UQCRC2: variants seen among roughly 807,000 people sequenced by gnomAD.
The protein encoded by UQCRC2 is ubiquinol-cytochrome c reductase core protein 2.
A neutral mutation model predicts 55.6 loss-of-function variants in UQCRC2; 49 were observed. That is an observed-to-expected ratio of 0.88 (90% CI 0.70 to 1.12). UQCRC2 has a LOEUF of 1.12. UQCRC2 is among the 50% of genes most tolerant of loss of function. UQCRC2 has a pLI of 0.00. For missense variants in UQCRC2, 506 were observed against 547.8 expected, an observed-to-expected ratio of 0.92 and a Z score of 0.76; for synonymous variants, 193 against 192.0, an observed-to-expected ratio of 1.01 and a Z score of -0.04.
intron 13 of UQCRC2, 150 bp downstream of exon 13, chr16:21,980,850 A>G (rs1898707749): frequency 1.1e-6 from 1 of 869,850 alleles, no homozygotes; most frequent in East Asian, 2.8e-5. Context: ...GCTCATTCCC[A>G]TAAGATCCGC....
Position 21,972,009 on chromosome 16 carries a change from G to A in UQCRC2, c.853G>A (p.Ala285Thr). ...TGTCGCGGGAAGTGCAGAGGCAAAT[G>A]CATTTAGTGTTCTTCAGCATGTCCT... ...SAVAGSAEAN[A>T]FSVLQHVLGA... Residue 285 changes from alanine to threonine, a missense_variant, in exon 10 of 14, where the codon GCA becomes ACA. Physicochemically the swap from Ala to Thr is moderately conservative, Grantham distance 58 (BLOSUM62 0). Coordinates refer to ENST00000268379, the MANE Select transcript of UQCRC2 (RefSeq NM_003366.4). The A allele has an allele frequency of 6.2e-7, 1 of 1,614,174 alleles. No individual in the cohort carries two copies. The highest frequency in any genetic ancestry group is 2.2e-5 in the East Asian group (1 of 44,884).
chr16:21,979,365 G>A (rs1020332927), intron 12 of UQCRC2, among the ~76,000 whole-genome samples: 2 of 152,154 alleles, frequency 1.3e-5, no homozygotes, highest in South Asian at 2.1e-4. Context: ...GTCACATAAC[G>A]ATGGGGATAC....
chr16:21,971,669 C>G lies in UQCRC2; in HGVS notation c.766+49C>G, dbSNP rs1371089112. 2.5e-6 allele frequency: 4 copies of G among 1,570,914 alleles called. No homozygotes were observed. The East Asian group carries it at 9.0e-5, about 35-fold the overall frequency. The stretch of plus-strand genomic sequence containing the variant: ...TTAATTTATCAGAAGGGCGTTTCCC[C>G]ACTAGAATAGCATATTGAGGTGGAA... On this transcript the variant is annotated intron_variant, in intron 9 of 13. Transcript: ENST00000268379.
intron 13 of UQCRC2, among the ~76,000 whole-genome samples, chr16:21,980,994 A>G (rs1898711456): frequency 6.6e-6 from 1 of 152,164 alleles, no homozygotes; most frequent in African/African-American, 2.4e-5. Context: ...AATACACCTA[A>G]CGTATCAAAC....
chr16:21,960,934 G>A lies in UQCRC2; in HGVS notation c.333-1526G>A, dbSNP rs1284363429. On this transcript the variant is annotated intron_variant, in intron 4 of 13. Transcript: ENST00000268379. ...CAGCCTTGAACTCCTGGGCCCAAGC[G>A]ATTCTTCTCCCTCCGCTTCCCAAGT... 3.9e-5 allele frequency among the ~76,000 whole-genome samples: 6 copies of A among 152,210 alleles called. No individual in the cohort carries two copies. The East Asian group carries it at 9.7e-4, about 25-fold the overall frequency.
At chr16:21,974,125 C>G (rs1898527483) in intron 11 of UQCRC2, 149 bp downstream of exon 11, 1 of 670,680 alleles carries the variant, frequency 1.5e-6, no homozygotes, top group African/African-American at 1.9e-5. Context: ...GAAGCATTAT[C>G]TGCTATAGGG....
intron 1 of UQCRC2, among the ~76,000 whole-genome samples, chr16:21,953,760 C>T (rs1308473457): frequency 2.6e-5 from 4 of 152,066 alleles, no homozygotes; most frequent in Non-Finnish European, 5.9e-5. Context: ...AGAAAGAGAC[C>T]GTGAAACCCA....
rs375909158 is a variant in UQCRC2, at chr16:21,972,135, A to T, written c.966+13A>T. On this transcript the variant is annotated intron_variant, in intron 10 of 13. Coordinates refer to ENST00000268379, the MANE Select transcript of UQCRC2 (RefSeq NM_003366.4). ...GCAGCCATTTGATGTGAGTCTGAAC[A>T]GTTGGTATCTCTCTTTTTGCTTTCA... 1.5e-4 allele frequency: 242 copies of T among 1,608,756 alleles called. No individual in the cohort carries two copies. The African/African-American group carries it at 3.1e-3, about 20-fold the overall frequency.
At chr16:21,963,875 C>G (rs1054667834) in intron 6 of UQCRC2, among the ~76,000 whole-genome samples, 1 of 152,154 alleles carries the variant, frequency 6.6e-6, no homozygotes, top group African/African-American at 2.4e-5. Context: ...TAGCCATCTC[C>G]TCTTTATTGA....
chr16:21,968,960 AC>A (rs1408322958), intron 8 of UQCRC2, among the ~76,000 whole-genome samples: 1 of 152,192 alleles, frequency 6.6e-6, no homozygotes, highest in Non-Finnish European at 1.5e-5. Context: ...GCTTTTACAA[AC>A]TTTTTTAAAA....
intron 4 of UQCRC2, among the ~76,000 whole-genome samples, chr16:21,959,021 A>G (rs1220544911): frequency 6.6e-6 from 1 of 152,242 alleles, no homozygotes; most frequent in Admixed American, 6.5e-5. Flanking sequence ...TGCTTTAAAA[A>G]TGTTAACAGT....
chr16:21,968,873 A>G (rs1032728197), intron 8 of UQCRC2, among the ~76,000 whole-genome samples, 188 bp downstream of exon 8: 9 of 152,226 alleles, frequency 5.9e-5, no homozygotes, highest in Admixed American at 2.0e-4. Context: ...CAACATTTAA[A>G]TTTGTAAACC....
chr16:21,973,639 G>A (rs1022223226), intron 10 of UQCRC2, among the ~76,000 whole-genome samples: 2 of 152,064 alleles, frequency 1.3e-5, no homozygotes, highest in Non-Finnish European at 2.9e-5. Context: ...ATCTAAAGCA[G>A]GTTAGAAAAT....
chr16:21,963,874 C>T (rs936246259), intron 6 of UQCRC2, among the ~76,000 whole-genome samples: 2 of 152,086 alleles, frequency 1.3e-5, no homozygotes, highest in African/African-American at 4.8e-5. Context: ...TTAGCCATCT[C>T]CTCTTTATTG....
In UQCRC2 at chr16:21,970,246, A is replaced by T. The variant is rs548464322; in HGVS notation, c.671-1279A>T. Among the ~76,000 whole-genome samples the T allele has an allele frequency of 9.5e-4, 144 of 152,312 alleles. 1 individual carries two copies. In the Middle Eastern group the frequency reaches 0.014, roughly 14 times the overall value. On this transcript the variant is annotated intron_variant, in intron 8 of 13. Transcript: ENST00000268379. ...TGTTTCTACCTTTTGGCTGTCGTAA[A>T]TATAAACATTCACGTGTACATTTTT... is the stretch of plus-strand genomic sequence containing the variant.
At chr16:21,955,586 G>T (rs1031715671) in intron 1 of UQCRC2, among the ~76,000 whole-genome samples, 1 of 152,160 alleles carries the variant, frequency 6.6e-6, no homozygotes, top group South Asian at 2.1e-4. Flanking sequence ...AATGCATTTT[G>T]GGTCCATTAT....
Position 21,953,571 on chromosome 16 carries a change from G to A in UQCRC2, c.33+115G>A, listed in dbSNP as rs1020400171. ...GCCTTGGGATTCGGTCTGCCCTTCA[G>A]CTGAACCCTGCGGGCCAAGTGGGCT... On this transcript the variant is annotated intron_variant, in intron 1 of 13. Coordinates refer to ENST00000268379, the MANE Select transcript of UQCRC2 (RefSeq NM_003366.4). The A allele has an allele frequency of 7.3e-5, 99 of 1,354,954 alleles. No individual in the cohort carries two copies. In the Admixed American group the frequency reaches 2.5e-3, roughly 34 times the overall value. The allele number at this position is 1,354,954 out of a possible 1,614,324, so 83.9% of individuals were successfully genotyped here.
rs754441007 is a variant in UQCRC2 at position 21,983,162 on chromosome 16, T to C, written c.1353T>C (p.Asp451=). Reference sequence around the variant, plus strand: ...ATTTGGGACATACACCTTTTGTTGATGAGTTGTAATACTGATGCACACATT... The same window carrying C: ...ATTTGGGACATACACCTTTTGTTGACGAGTTGTAATACTGATGCACACATT... ...SGNLGHTPFV[D]EL is the part of the protein sequence containing the mutation. The change falls in exon 14 of 14, where the codon GAT becomes GAC. Residue 451 remains aspartate (D), a synonymous_variant. Coordinates refer to ENST00000268379, the MANE Select transcript of UQCRC2 (RefSeq NM_003366.4). 1 of 1,614,022 alleles carries C rather than the reference T, an allele frequency of 6.2e-7. No homozygotes were observed. The highest frequency in any genetic ancestry group is 1.7e-5 in the Admixed American group (1 of 60,000).
intron 5 of UQCRC2, 71 bp downstream of exon 5, chr16:21,962,587 A>G: frequency 6.2e-7 from 1 of 1,606,164 alleles, no homozygotes; most frequent in Non-Finnish European, 8.5e-7. Flanking sequence ...TGGTCTTTGT[A>G]ATGCGTCATT....
Sources: allele counts gnomAD v4.1 joint callset (sites outside exome capture counted in the v4.1 genomes callset), GRCh38; gene constraint gnomAD v4.1.1; transcripts MANE v1.5; gene names NCBI Gene and HGNC (gene_info 2026-07-23, HGNC 2026-07-21).